Variants in MAN1A2 observed in about 807,000 individuals in gnomAD.
MAN1A2 encodes mannosidase alpha class 1A member 2.
In MAN1A2, 26 loss-of-function variants were observed where a neutral mutation model predicts 75.7. That is an observed-to-expected ratio of 0.34 (90% CI 0.25 to 0.48). The LOEUF is 0.48. MAN1A2 is among the 20% of genes least tolerant of loss of function. The pLI is 0.99. For missense variants in MAN1A2, 562 were observed against 775.5 expected (o/e 0.72, Z 3.27); for synonymous variants, 247 against 264.6 (o/e 0.93, Z 0.65).
rs187106636 is a variant in MAN1A2 at position 117,528,066 on chromosome 1, T to G, written c.*5109T>G. ...ACAAGTAAGTAGCATTATTTCAGAA[T>G]GTCTATATGCATCATTTTCAACTAA... On this transcript the variant is annotated 3_prime_UTR_variant, in exon 13 of 13. Coordinates refer to ENST00000356554, the MANE Select transcript of MAN1A2 (RefSeq NM_006699.5). 64 of 152,174 alleles carry G rather than the reference T, an allele frequency of 4.2e-4. No homozygotes were observed. The highest frequency in any genetic ancestry group is 1.5e-3 in the African/African-American group (61 of 41,552). The allele number at this position is 152,174 out of a possible 1,614,324, so 9.4% of individuals were successfully genotyped here.
chr1:117,463,517 AT>A (rs1467026193), intron 7 of MAN1A2, among the ~76,000 whole-genome samples: 1 of 71,032 alleles, frequency 1.4e-5, no homozygotes, highest in African/African-American at 5.3e-5. Context: ...AAACACACAC[AT>A]ACACACACAC....
chr1:117,510,515 A>G (rs1019688557), intron 12 of MAN1A2, among the ~76,000 whole-genome samples: 1 of 152,074 alleles, frequency 6.6e-6, no homozygotes, highest in African/African-American at 2.4e-5. Flanking sequence ...GAAAAGTCAA[A>G]CAATCAGATT....
chr1:117,483,904 G>A (rs979319307), intron 8 of MAN1A2, among the ~76,000 whole-genome samples: 17 of 151,970 alleles, frequency 1.1e-4, no homozygotes, highest in Admixed American at 9.9e-4. Flanking sequence ...TTTGAGATGC[G>A]TTCCATCAAT....
Position 117,528,512 on chromosome 1 carries a change from G to A in MAN1A2, c.*5555G>A, listed in dbSNP as rs947701388. On this transcript the variant is annotated 3_prime_UTR_variant, in exon 13 of 13. Transcript: ENST00000356554. The stretch of plus-strand genomic sequence containing the variant: ...AAATAATTGCAAATGTCTTGTGGCT[G>A]TTTTATTTCTACAAAATTCTGTAAG... 11 of 152,162 alleles carry A rather than the reference G, an allele frequency of 7.2e-5. No homozygotes were observed. Among genetic ancestry groups the A allele is most frequent in the Admixed American group, 2.6e-4 (4 of 15,260 alleles). The allele number at this position is 152,162 out of a possible 1,614,324, so 9.4% of individuals were successfully genotyped here.
chr1:117,497,793 C>T (rs1169006453), intron 10 of MAN1A2, among the ~76,000 whole-genome samples: 3 of 151,702 alleles, frequency 2.0e-5, no homozygotes, highest in Admixed American at 2.0e-4. Flanking sequence ...TTTTCTCTGG[C>T]TTTAAAAACA....
intron 7 of MAN1A2, among the ~76,000 whole-genome samples, chr1:117,466,081 C>T (rs1649970718): frequency 6.6e-6 from 1 of 152,020 alleles, no homozygotes; most frequent in Non-Finnish European, 1.5e-5. Flanking sequence ...AAAATGGTTT[C>T]TATCTGTGCA....
intron 1 of MAN1A2, among the ~76,000 whole-genome samples, chr1:117,396,891 T>C (rs559148357): frequency 1.3e-5 from 2 of 152,122 alleles, no homozygotes; most frequent in South Asian, 4.2e-4. Context: ...GTCAGGGTAG[T>C]GTATGTTTTC....
intron 8 of MAN1A2, among the ~76,000 whole-genome samples, chr1:117,478,804 G>T (rs1280440844): frequency 1.3e-5 from 2 of 151,934 alleles, no homozygotes; most frequent in Non-Finnish European, 2.9e-5. Context: ...ATCCTGTTTT[G>T]ATGAGTGTAG....
At chr1:117,477,027 A>T (rs192914967) in intron 8 of MAN1A2, among the ~76,000 whole-genome samples, 324 of 152,030 alleles carry the variant, frequency 2.1e-3, no homozygotes, top group African/African-American at 7.3e-3. Flanking sequence ...GTCCTTTCTT[A>T]TTTCCTTGAG....
At chr1:117,483,229 T>G (rs1650558129) in intron 8 of MAN1A2, among the ~76,000 whole-genome samples, 1 of 152,178 alleles carries the variant, frequency 6.6e-6, no homozygotes, top group Non-Finnish European at 1.5e-5. Flanking sequence ...CAGGCTCATT[T>G]TTGGTTCCAT....
In MAN1A2 at chr1:117,514,911, C is replaced by T. The variant is rs147900884; in HGVS notation, c.1794-7914C>T. ...GATGAAAAGAGTAGCATCAAGTCCC[C>T]TATTCTGCTGTTTTCTGCTCACTTA... is the stretch of plus-strand genomic sequence containing the variant. On this transcript the variant is annotated intron_variant, in intron 12 of 12. Transcript: ENST00000356554. The T allele has an allele frequency of 1.7e-5, 9 of 532,600 alleles. No homozygotes were observed. In the African/African-American group the frequency reaches 1.7e-4, roughly 10 times the overall value. 33.0% of individuals were successfully genotyped at this position (532,600 alleles called of 1,614,324 possible). A position where few individuals can be genotyped will look rare whatever the true frequency, so the allele number is the denominator to read the frequency against.
At chr1:117,519,899 T>C (rs1422880106) in intron 12 of MAN1A2, among the ~76,000 whole-genome samples, 2 of 152,034 alleles carry the variant, frequency 1.3e-5, no homozygotes, top group Non-Finnish European at 2.9e-5. Context: ...CAGACTGATA[T>C]TCTTGATGAA....
Position 117,402,432 on chromosome 1 carries a change from A to C in MAN1A2, c.549A>C (p.Lys183Asn). ...ATGACATAAGAGAGAAAAGGGAAAA[A>C]ATTAAAGAGGTAATAAGCTGAGTTT... ...EDNDIREKRE[K>N]IKEMMKHAWD... is the part of the protein sequence containing the mutation. Residue 183 changes from lysine (K) to asparagine (N), a missense_variant, in exon 2 of 13, where the codon AAA becomes AAC. By Grantham distance (94) the Lys-to-Asn change is moderately conservative. This residue lies in a region of MAN1A2 where 434 missense variants were observed against 645.7 expected (regional missense o/e 0.67). Transcript: ENST00000356554. The C allele has an allele frequency of 6.3e-7, 1 of 1,593,632 alleles. No individual in the cohort carries two copies. The highest frequency in any genetic ancestry group is 8.5e-7 in the Non-Finnish European group (1 of 1,174,264).
At chr1:117,500,768 T>C (rs1038745524) in intron 11 of MAN1A2, among the ~76,000 whole-genome samples, 1 of 151,872 alleles carries the variant, frequency 6.6e-6, no homozygotes, top group African/African-American at 2.4e-5. Flanking sequence ...TGAAATTCTC[T>C]GTGTAGGAGG....
chr1:117,502,965 A>T lies in MAN1A2; in HGVS notation c.1788A>T (p.Thr596=). The change falls in exon 12 of 13, where the codon ACA becomes ACT. Residue 596 remains threonine (T), a synonymous_variant. Coordinates refer to ENST00000356554, the MANE Select transcript of MAN1A2 (RefSeq NM_006699.5). ...DVQQSFFLAE[T]LKYLYLLFSG... ...AGCAGAGCTTTTTTCTTGCTGAAAC[A>T]TTAAAGTAAGTATATAGCTTTAAAA... 6.4e-7 allele frequency: 1 copy of T among 1,556,904 alleles called. No homozygotes were observed. Among genetic ancestry groups the T allele is most frequent in the Non-Finnish European group, 8.8e-7 (1 of 1,136,926 alleles).
intron 5 of MAN1A2, among the ~76,000 whole-genome samples, chr1:117,425,508 A>G (rs955728036): frequency 4.6e-5 from 7 of 152,222 alleles, no homozygotes; most frequent in African/African-American, 1.7e-4. Flanking sequence ...CATCATGACC[A>G]AGTGGGGTTT....
In MAN1A2 at chr1:117,527,691, A is replaced by G. The variant is rs1403808643; in HGVS notation, c.*4734A>G. 6.6e-6 allele frequency: 1 copy of G among 151,978 alleles called. No individual in the cohort carries two copies. Among genetic ancestry groups the G allele is most frequent in the East Asian group, 1.9e-4 (1 of 5,182 alleles). 9.4% of individuals were successfully genotyped at this position (151,978 alleles called of 1,614,324 possible). A position where few individuals can be genotyped will look rare whatever the true frequency, so the allele number is the denominator to read the frequency against. On this transcript the variant is annotated 3_prime_UTR_variant, in exon 13 of 13. Coordinates refer to ENST00000356554, the MANE Select transcript of MAN1A2 (RefSeq NM_006699.5). Reference sequence around the variant, plus strand: ...CTCTATGTAAAAAGAAGGTCTGTGTATTGTCAAAATAATATACTCTCCAAG... The same window carrying G: ...CTCTATGTAAAAAGAAGGTCTGTGTGTTGTCAAAATAATATACTCTCCAAG...
chr1:117,494,165 G>C (rs1650972365), intron 9 of MAN1A2: 1 of 152,096 alleles, frequency 6.6e-6, no homozygotes, highest in African/African-American at 2.4e-5. Flanking sequence ...TGCCGAGCCA[G>C]TGTTTTTAAC....
rs1414364205 is a variant in MAN1A2 at position 117,526,870 on chromosome 1, CTCTCTCTCTCTATA to C, written c.*3915_*3928del. 1,046 of 90,010 alleles carry C rather than the reference CTCTCTCTCTCTATA, an allele frequency of 0.012. 4 individuals are homozygous for C. Among genetic ancestry groups the C allele is most frequent in the African/African-American group, 0.026 (613 of 23,432 alleles). The allele number at this position is 90,010 out of a possible 1,614,324, so 5.6% of individuals were successfully genotyped here. The stretch of plus-strand genomic sequence containing the variant: ...TCTCTCTCTCTCTCTCTCTCTCTCT[CTCTCTCTCTCTATA>C]TATATATATATATATATATATATAT... On this transcript the variant is annotated 3_prime_UTR_variant, in exon 13 of 13. Coordinates refer to ENST00000356554, the MANE Select transcript of MAN1A2 (RefSeq NM_006699.5).
Sources: allele counts gnomAD v4.1 joint callset (sites outside exome capture counted in the v4.1 genomes callset), GRCh38; gene constraint gnomAD v4.1.1; regional missense constraint gnomAD v4.1.1; transcripts MANE v1.5; gene names NCBI Gene and HGNC (gene_info 2026-07-23, HGNC 2026-07-21).